Variants in ITGAE observed in about 807,000 individuals in gnomAD.
ITGAE encodes integrin alpha-E.
Under a neutral mutation model 136.5 loss-of-function variants are expected in ITGAE, and 99 were observed. The observed-to-expected ratio is 0.73, with a 90% CI of 0.62 to 0.86. ITGAE has a LOEUF of 0.86. ITGAE is among the 40% of genes least tolerant of loss of function. ITGAE has a pLI of 0.00. For missense variants in ITGAE, 1,447 were observed against 1,515.3 expected (o/e 0.95, Z 0.75); for synonymous variants, 613 against 591.8 (o/e 1.04, Z -0.52).
In ITGAE at chr17:3,757,083, C is replaced by T. The variant is rs574067491; in HGVS notation, c.1072G>A (p.Ala358Thr). The change falls in exon 10 of 31, where the codon GCC becomes ACC. Residue 358 changes from alanine to threonine, a missense_variant. Ala to Thr is a moderately conservative substitution (Grantham distance 58). Around this residue, in one of 3 missense-constraint regions of ITGAE, gnomAD observed 310 missense variants for 416.1 expected, o/e 0.74. Coordinates refer to ENST00000263087, the MANE Select transcript of ITGAE (RefSeq NM_002208.5). Reference protein sequence around the residue: ...ARTARELNLIASDPDETHAFK... With the variant: ...ARTARELNLITSDPDETHAFK... Reference sequence around the variant, plus strand: ...GCATGGGTCTCATCCGGGTCTGAGGCGATCAGGTTCAGTTCCCTCGCAGTC... The same window carrying T: ...GCATGGGTCTCATCCGGGTCTGAGGTGATCAGGTTCAGTTCCCTCGCAGTC... 3.1e-6 allele frequency: 5 copies of T among 1,614,166 alleles called. No homozygotes were observed. The highest frequency in any genetic ancestry group is 1.3e-5 in the African/African-American group (1 of 75,046).
At chr17:3,785,503 GAAGGAAGGA>G (rs2052766510) in intron 1 of ITGAE, among the ~76,000 whole-genome samples, 1 of 90,334 alleles carries the variant, frequency 1.1e-5, no homozygotes, top group Non-Finnish European at 2.1e-5. Flanking sequence ...AAGGAGGAAG[GAAGGAAGGA>G]AGGAAGGAAG....
intron 27 of ITGAE, 148 bp downstream of exon 27, chr17:3,723,540 A>G: frequency 9.8e-7 from 1 of 1,024,878 alleles, no homozygotes; most frequent in Middle Eastern, 2.1e-4. Context: ...AGCGGGAGCA[A>G]TTGAGACCCA....
Position 3,766,792 on chromosome 17 carries a change from AAATAATAATAATAATAAT to A in ITGAE, c.156-2850_156-2833del, listed in dbSNP as rs146384772. 4.5e-3 allele frequency among the ~76,000 whole-genome samples: 618 copies of A among 136,906 alleles called. 1 individual carries two copies. The highest frequency in any genetic ancestry group is 7.8e-3 in the South Asian group (32 of 4,086). 89.8% of individuals were successfully genotyped at this position (136,906 alleles called of 152,430 possible). On this transcript the variant is annotated intron_variant, in intron 2 of 30. Transcript: ENST00000263087. ...ACTCCAGCCTGGGTGAAAGAGTGCAAAATAATAATAATAATAATAATAATAATAATAATAATAATAATA... is the reference window on the plus strand; with the variant it reads ...ACTCCAGCCTGGGTGAAAGAGTGCAAAATAATAATAATAATAATAATAATA...
intron 26 of ITGAE, chr17:3,725,715 T>C (rs1567513339): frequency 6.4e-7 from 1 of 1,573,926 alleles, no homozygotes; most frequent in Non-Finnish European, 8.6e-7. Context: ...GCCTGATTTT[T>C]TTAAAGACGA....
chr17:3,753,942 G>A lies in ITGAE; in HGVS notation c.1385-17C>T, dbSNP rs748931456. 68 of 1,612,770 alleles carry A rather than the reference G, an allele frequency of 4.2e-5. 1 individual carries two copies. Among genetic ancestry groups the A allele is most frequent in the Middle Eastern group, 1.7e-4 (1 of 6,046 alleles). Reference sequence around the variant, plus strand: ...CAGCGTAACCTGGGGCAAGGGTGGTGTGGCTGTGAACACACCGTGTGCTCC... The same window carrying A: ...CAGCGTAACCTGGGGCAAGGGTGGTATGGCTGTGAACACACCGTGTGCTCC... On this transcript the variant is annotated splice_polypyrimidine_tract_variant and intron_variant, in intron 12 of 30. Coordinates refer to ENST00000263087, the MANE Select transcript of ITGAE (RefSeq NM_002208.5).
At chr17:3,723,187 T>A (rs75053862) in intron 28 of ITGAE, 101 bp downstream of exon 28, 87,578 of 849,162 alleles carry the variant, frequency 0.1, 4,956 homozygotes, top group Middle Eastern at 0.17. Flanking sequence ...AAGATCTATT[T>A]TGGACATGGA....
chr17:3,749,990 T>C (rs1479887983), intron 16 of ITGAE, among the ~76,000 whole-genome samples: 1 of 152,030 alleles, frequency 6.6e-6, no homozygotes, highest in Non-Finnish European at 1.5e-5. Flanking sequence ...CACTCCAGCC[T>C]GGGCAAAAGA....
In ITGAE at chr17:3,798,683, C is replaced by A; in HGVS notation, c.34+2428G>T. 6.6e-6 allele frequency among the ~76,000 whole-genome samples: 1 copy of A among 152,320 alleles called. No individual in the cohort carries two copies. Among genetic ancestry groups the A allele is most frequent in the African/African-American group, 2.4e-5 (1 of 41,580 alleles). ...CAGAGCGGGCCCTGGACTTCTGGTT[C>A]CTTCTTCTTCACCCCTGTAAGGTGT... On this transcript the variant is annotated intron_variant, in intron 1 of 30. Coordinates refer to ENST00000263087, the MANE Select transcript of ITGAE (RefSeq NM_002208.5). The surrounding 1 kb of genome is among the most constrained non-coding windows in gnomAD (Gnocchi z 4.3).
chr17:3,740,138 T>C (rs1466762480), intron 19 of ITGAE, among the ~76,000 whole-genome samples: 1 of 152,184 alleles, frequency 6.6e-6, no homozygotes, highest in African/African-American at 2.4e-5. Context: ...AAAACTGGGG[T>C]GACCTTCACG....
chr17:3,768,975 C>A (rs1243700781), intron 2 of ITGAE, among the ~76,000 whole-genome samples: 1 of 152,150 alleles, frequency 6.6e-6, no homozygotes, highest in Admixed American at 6.5e-5. Flanking sequence ...CAGCAGAGAG[C>A]TGCTCCTCTG....
chr17:3,791,346 G>A (rs922753598), intron 1 of ITGAE, among the ~76,000 whole-genome samples: 9 of 151,724 alleles, frequency 5.9e-5, no homozygotes, highest in African/African-American at 1.7e-4. Context: ...GCAGTGGTGC[G>A]ATCTCAGCTC....
intron 2 of ITGAE, among the ~76,000 whole-genome samples, chr17:3,768,465 A>G (rs1332181873): frequency 2.0e-5 from 3 of 152,168 alleles, no homozygotes; most frequent in Non-Finnish European, 4.4e-5. Flanking sequence ...TGTAGTTTAC[A>G]CCAATGTCCC....
chr17:3,723,831 C>T, intron 26 of ITGAE, 87 bp from the exon 27 acceptor site: 1 of 1,551,614 alleles, frequency 6.4e-7, no homozygotes, highest in Non-Finnish European at 8.7e-7. Flanking sequence ...TGGCGAGGTG[C>T]GCATGCGCAG....
intron 28 of ITGAE, 135 bp downstream of exon 28, chr17:3,723,153 C>G (rs1293634016): frequency 1.2e-5 from 8 of 650,704 alleles, no homozygotes; most frequent in Non-Finnish European, 2.2e-5. Flanking sequence ...CGGGTTGGGA[C>G]AGAGGGTTGG....
intron 2 of ITGAE, among the ~76,000 whole-genome samples, chr17:3,774,356 A>G (rs572729075): frequency 6.6e-6 from 1 of 152,272 alleles, no homozygotes; most frequent in South Asian, 2.1e-4. Flanking sequence ...GACCACCCAG[A>G]AAAAAATGGG....
intron 1 of ITGAE, among the ~76,000 whole-genome samples, chr17:3,786,229 A>C (rs537190514): frequency 6.6e-6 from 1 of 152,146 alleles, no homozygotes; most frequent in South Asian, 2.1e-4. Context: ...TAAACTTGAC[A>C]ATCTGGGTGA....
rs111427550 is a variant in ITGAE, at chr17:3,749,902, GC to G, written c.2024+449del. Among the ~76,000 whole-genome samples, 874 of 152,222 alleles carry G rather than the reference GC, an allele frequency of 5.7e-3. 11 individuals are homozygous for G. The highest frequency in any genetic ancestry group is 0.018 in the African/African-American group (757 of 41,534). ...GTGGTGGCAGACACCTGTAATCCCAGCTCCTCAGGAGGCTGAGGCAGAAGAA... is the reference window on the plus strand; with the variant it reads ...GTGGTGGCAGACACCTGTAATCCCAGTCCTCAGGAGGCTGAGGCAGAAGAA... On this transcript the variant is annotated intron_variant, in intron 16 of 30. Coordinates refer to ENST00000263087, the MANE Select transcript of ITGAE (RefSeq NM_002208.5).
At chr17:3,767,256 C>T (rs898307453) in intron 2 of ITGAE, among the ~76,000 whole-genome samples, 4 of 152,130 alleles carry the variant, frequency 2.6e-5, no homozygotes, top group African/African-American at 9.7e-5. Flanking sequence ...GCCACCATGA[C>T]CAGCTAATTT....
chr17:3,740,687 C>T (rs2051564517), intron 19 of ITGAE, among the ~76,000 whole-genome samples: 1 of 152,132 alleles, frequency 6.6e-6, no homozygotes, highest in African/African-American at 2.4e-5. Flanking sequence ...GGCTAGTCGT[C>T]TCTGTAAGCT....
Sources: gnomAD v4.1 joint callset for allele counts (sites outside exome capture counted in the v4.1 genomes callset) on GRCh38, gnomAD v4.1.1 for gene constraint, gnomAD v4.1.1 regional missense constraint, Gnocchi (gnomAD v3.1) non-coding constraint, MANE v1.5 for transcripts, NCBI Gene and HGNC (gene_info 2026-07-23, HGNC 2026-07-21) for gene names.